The following PLEKHG1 variants were observed in gnomAD, a reference collection of about 807,000 sequenced individuals.
PLEKHG1 encodes pleckstrin homology and RhoGEF domain containing G1, also known as pleckstrin homology domain-containing family G member 1.
A neutral mutation model predicts 100.8 loss-of-function variants in PLEKHG1; 44 were observed. The ratio of observed to expected loss-of-function variants is 0.44; its 90% CI spans 0.34 to 0.56. The LOEUF is 0.56. Ranked by LOEUF, PLEKHG1 falls within the 20% of genes least tolerant of loss-of-function variation. The pLI is 0.01. For missense variants in PLEKHG1, 1,545 were observed against 1,720.9 expected, an observed-to-expected ratio of 0.90 and a Z score of 1.81; for synonymous variants, 640 against 662.5, an observed-to-expected ratio of 0.97 and a Z score of 0.52.
intron 1 of PLEKHG1, among the ~76,000 whole-genome samples, chr6:150,611,817 A>G (rs1344956311): frequency 7.9e-5 from 12 of 151,816 alleles, no homozygotes; most frequent in Admixed American, 6.6e-4. Context: ...ATCTCAAAAA[A>G]AAAAAAAAAA....
intron 1 of PLEKHG1, among the ~76,000 whole-genome samples, chr6:150,729,933 A>G (rs1782158253): frequency 6.6e-6 from 1 of 152,158 alleles, no homozygotes; most frequent in Non-Finnish European, 1.5e-5. Flanking sequence ...TTCTAAAGAC[A>G]TTGTCATTTC....
upstream of PLEKHG1, among the ~76,000 whole-genome samples, chr6:150,720,847 GT>G (rs1385959963): frequency 2.0e-5 from 3 of 152,204 alleles, no homozygotes; most frequent in African/African-American, 7.2e-5. Flanking sequence ...TGTATTTGAT[GT>G]TCACAAAAGA....
At chr6:150,762,439 C>A (rs1207692142) in intron 2 of PLEKHG1, among the ~76,000 whole-genome samples, 2 of 151,814 alleles carry the variant, frequency 1.3e-5, no homozygotes, top group East Asian at 3.9e-4. Context: ...CCTCTGATAA[C>A]CTGCCTGCCT....
chr6:150,681,213 A>G (rs1779917631), intron 3 of PLEKHG1, among the ~76,000 whole-genome samples: 1 of 152,170 alleles, frequency 6.6e-6, no homozygotes, highest in African/African-American at 2.4e-5. Flanking sequence ...GGTAGTGGTT[A>G]TCACTTGGAG....
intron 4 of PLEKHG1, among the ~76,000 whole-genome samples, chr6:150,792,655 C>T (rs527908583): frequency 2.7e-3 from 412 of 151,488 alleles, no homozygotes; most frequent in Non-Finnish European, 1.9e-3. Context: ...GCCTAGGTGA[C>T]AGAGCAAGAC....
intron 1 of PLEKHG1, among the ~76,000 whole-genome samples, chr6:150,730,104 G>C (rs879511676): frequency 5.3e-5 from 8 of 152,098 alleles, no homozygotes; most frequent in Admixed American, 5.2e-4. Context: ...CTCTAGTCCT[G>C]ATCATCAATG....
chr6:150,821,470 G>A (rs2128679184), intron 13 of PLEKHG1, among the ~76,000 whole-genome samples: 1 of 152,234 alleles, frequency 6.6e-6, no homozygotes, highest in South Asian at 2.1e-4. Flanking sequence ...GCTCTGTTGA[G>A]GCCAGGACTT....
exon 7 of PLEKHG1, chr6:150,804,632 A>G (rs1029908249): frequency 1.3e-6 from 2 of 1,599,994 alleles, no homozygotes; most frequent in Middle Eastern, 1.7e-4. Context: ...CACCTTGATA[A>G]GGACACAGAA....
Position 150,672,763 on chromosome 6 carries a change from T to C in PLEKHG1, c.-99+21977T>C, listed in dbSNP as rs543919595. On this transcript the variant is annotated intron_variant, in intron 3 of 3. Coordinates refer to the PLEKHG1 transcript ENST00000367326. ...GAGTGAGAAGAAAGTGTACCATTTA[T>C]AGATAAAAAAGATAAGATTAAATAA... is the stretch of plus-strand genomic sequence containing the variant. Among the ~76,000 whole-genome samples the C allele has an allele frequency of 2.4e-4, 36 of 152,336 alleles. 1 individual carries two copies. The highest frequency in any genetic ancestry group is 3.4e-3 in the Middle Eastern group (1 of 294).
intron 1 of PLEKHG1, among the ~76,000 whole-genome samples, chr6:150,721,682 A>G (rs200620977): frequency 4.6e-5 from 7 of 152,228 alleles, no homozygotes; most frequent in East Asian, 1.9e-4. Flanking sequence ...GTCTGAGTCT[A>G]GTGGCAACCA....
chr6:150,755,215 A>G (rs1384389113), intron 2 of PLEKHG1, among the ~76,000 whole-genome samples: 2 of 151,184 alleles, frequency 1.3e-5, no homozygotes, highest in Non-Finnish European at 1.5e-5. Context: ...GCCTCAAACA[A>G]TCCTTCCGCC....
At chr6:150,626,836 G>A (rs1253760912) in intron 1 of PLEKHG1, among the ~76,000 whole-genome samples, 2 of 152,154 alleles carry the variant, frequency 1.3e-5, no homozygotes, top group Admixed American at 1.3e-4. Flanking sequence ...GTGCGTGTGT[G>A]TGTGTTTTGT....
chr6:150,754,681 T>TTC (rs1192476208), intron 2 of PLEKHG1, among the ~76,000 whole-genome samples: 1 of 151,476 alleles, frequency 6.6e-6, no homozygotes, highest in African/African-American at 2.4e-5. Context: ...TTTTTTTTTT[T>TTC]TTTTGAGATC....
At chr6:150,736,203 C>T (rs1782550016) in intron 2 of PLEKHG1, among the ~76,000 whole-genome samples, 1 of 152,190 alleles carries the variant, frequency 6.6e-6, no homozygotes, top group African/African-American at 2.4e-5. Context: ...TCGTTTGACC[C>T]AACGGCCACA....
chr6:150,733,798 C>T (rs764566261), exon 2 of PLEKHG1: 2 of 1,614,184 alleles, frequency 1.2e-6, no homozygotes, highest in East Asian at 2.2e-5. Context: ...CAAATAGCCA[C>T]ATGGGCTTGT....
exon 16 of PLEKHG1, chr6:150,840,271 A>T (rs1277573202): frequency 1.2e-6 from 2 of 1,614,088 alleles, no homozygotes; most frequent in Non-Finnish European, 1.7e-6. Flanking sequence ...TCTCAGCCTT[A>T]TCACAGGTCC....
At chr6:150,669,532 A>C (rs1779515667) in intron 3 of PLEKHG1, among the ~76,000 whole-genome samples, 1 of 151,910 alleles carries the variant, frequency 6.6e-6, no homozygotes, top group East Asian at 1.9e-4. Flanking sequence ...TCGATGTCAA[A>C]GTTACTGGAA....
chr6:150,701,466 T>TATATATATATATATATATAAAA (rs1212311635), intron 3 of PLEKHG1, among the ~76,000 whole-genome samples: 1 of 84,240 alleles, frequency 1.2e-5, no homozygotes, highest in African/African-American at 1.2e-4. Context: ...TATATATATA[T>TATATATATATATATATATAAAA]AATTATACTT....
intron 3 of PLEKHG1, among the ~76,000 whole-genome samples, chr6:150,680,980 C>A (rs921511266): frequency 6.6e-6 from 1 of 152,176 alleles, no homozygotes; most frequent in African/African-American, 2.4e-5. Context: ...GGGAAGTAAT[C>A]TCTAGGCATA....
Sources: allele counts gnomAD v4.1 joint callset (sites outside exome capture counted in the v4.1 genomes callset), GRCh38; gene constraint gnomAD v4.1.1; transcripts MANE v1.5; gene names NCBI Gene and HGNC (gene_info 2026-07-23, HGNC 2026-07-21).